PDGFD: variants seen among roughly 807,000 people sequenced by gnomAD.
The protein encoded by PDGFD is platelet derived growth factor D, also known as platelet-derived growth factor D.
Under a neutral mutation model 44.7 loss-of-function variants are expected in PDGFD, and 30 were observed. The observed-to-expected ratio is 0.67, with a 90% CI of 0.50 to 0.91. The LOEUF is 0.91. Ranked by LOEUF, PDGFD falls within the 40% of genes least tolerant of loss-of-function variation. The probability of loss-of-function intolerance (pLI) is 0.00; values close to 1 mark genes in which losing one functional copy is unlikely to be tolerated. For missense variants in PDGFD, 445 were observed against 457.8 expected (o/e 0.97, Z 0.25); for synonymous variants, 173 against 168.4 (o/e 1.03, Z -0.21).
intron 3 of PDGFD, among the ~76,000 whole-genome samples, chr11:103,958,089 C>T (rs929219809): frequency 4.6e-5 from 7 of 151,734 alleles, no homozygotes; most frequent in South Asian, 2.1e-4. Context: ...TTTGCAGTAA[C>T]GCCTGCCACT....
chr11:103,926,863 T>G, intron 6 of PDGFD, 49 bp downstream of exon 6: 1 of 1,552,666 alleles, frequency 6.4e-7, no homozygotes, highest in East Asian at 2.3e-5. Context: ...CCTGTCTTCC[T>G]GAATCCTATA....
At chr11:103,992,740 T>C (rs1302405857) in intron 3 of PDGFD, among the ~76,000 whole-genome samples, 1 of 152,232 alleles carries the variant, frequency 6.6e-6, no homozygotes, top group East Asian at 1.9e-4. Context: ...TGTTATCCAT[T>C]AGTCTCCACA....
chr11:104,004,318 G>T (rs1276052807), intron 1 of PDGFD, among the ~76,000 whole-genome samples: 1 of 152,084 alleles, frequency 6.6e-6, no homozygotes, highest in African/African-American at 2.4e-5. Context: ...TTAAAAACAG[G>T]ATGCTTGTGT....
chr11:104,096,363 G>A (rs72975290), intron 1 of PDGFD, among the ~76,000 whole-genome samples: 17,234 of 152,122 alleles, frequency 0.11, 1,071 homozygotes, highest in South Asian at 0.21. Context: ...AGGGAGCATG[G>A]CATTCACTGT....
At chr11:104,052,401 G>A (rs1297168174) in intron 1 of PDGFD, among the ~76,000 whole-genome samples, 2 of 152,034 alleles carry the variant, frequency 1.3e-5, no homozygotes, top group African/African-American at 4.8e-5. Context: ...CTACTGGGAA[G>A]GCTTTATGAA....
chr11:104,041,861 C>A (rs540364004), intron 1 of PDGFD, among the ~76,000 whole-genome samples: 1 of 152,218 alleles, frequency 6.6e-6, no homozygotes, highest in Non-Finnish European at 1.5e-5. Context: ...ATAAATTCAT[C>A]TTCACTGCAG....
chr11:104,124,608 G>C (rs1266076404), intron 1 of PDGFD, among the ~76,000 whole-genome samples: 1 of 152,032 alleles, frequency 6.6e-6, no homozygotes, highest in Non-Finnish European at 1.5e-5. Context: ...TCTAGAAAAA[G>C]TTTAGATGCT....
chr11:104,074,832 G>A (rs1407889647), intron 1 of PDGFD, among the ~76,000 whole-genome samples: 1 of 152,194 alleles, frequency 6.6e-6, no homozygotes, highest in South Asian at 2.1e-4. Context: ...GATTGCCTGG[G>A]AGGGAGCAAG....
At chr11:103,984,149 G>A (rs1459228211) in intron 3 of PDGFD, among the ~76,000 whole-genome samples, 3 of 151,506 alleles carry the variant, frequency 2.0e-5, no homozygotes, top group African/African-American at 4.9e-5. Flanking sequence ...GCAAATACAC[G>A]GAATCAAGAC....
intron 1 of PDGFD, among the ~76,000 whole-genome samples, chr11:104,011,274 G>C (rs1172220457): frequency 1.3e-5 from 2 of 152,034 alleles, no homozygotes; most frequent in African/African-American, 2.4e-5. Flanking sequence ...ATTCCCAGGA[G>C]AAAGCTGAGA....
At chr11:104,011,846 A>G (rs911335686) in intron 1 of PDGFD, among the ~76,000 whole-genome samples, 2 of 152,110 alleles carry the variant, frequency 1.3e-5, no homozygotes, top group Admixed American at 1.3e-4. Context: ...TATCACATCC[A>G]TATTCTCTGG....
chr11:103,947,784 C>G, intron 3 of PDGFD, 60 bp from the exon 4 acceptor site: 2 of 1,190,310 alleles, frequency 1.7e-6, no homozygotes, highest in Non-Finnish European at 2.5e-6. Flanking sequence ...ATTATGTGCA[C>G]AGTTTCAACA....
At chr11:104,093,938 T>C in intron 1 of PDGFD, among the ~76,000 whole-genome samples, 1 of 150,822 alleles carries the variant, frequency 6.6e-6, no homozygotes, top group African/African-American at 2.4e-5. Flanking sequence ...GCCCAATATC[T>C]CAATTCCTTT....
At chr11:103,959,007 G>A (rs933718464) in intron 3 of PDGFD, among the ~76,000 whole-genome samples, 3 of 152,098 alleles carry the variant, frequency 2.0e-5, no homozygotes, top group African/African-American at 2.4e-5. Context: ...CAGCTGGTAC[G>A]GTTCCATGAA....
intron 5 of PDGFD, among the ~76,000 whole-genome samples, chr11:103,929,386 C>A (rs1858366998): frequency 6.6e-6 from 1 of 152,160 alleles, no homozygotes; most frequent in Non-Finnish European, 1.5e-5. Context: ...TCCTTATCTT[C>A]AGAAGACACC....
intron 4 of PDGFD, among the ~76,000 whole-genome samples, 155 bp from the exon 5 acceptor site, chr11:103,943,805 C>T (rs553910324): frequency 2.6e-5 from 4 of 152,104 alleles, no homozygotes; most frequent in Non-Finnish European, 4.4e-5. Context: ...ATTGTCTTGC[C>T]ATATTCTTGG....
chr11:104,036,546 G>C (rs958127063), intron 1 of PDGFD: 4 of 501,882 alleles, frequency 8.0e-6, no homozygotes, highest in African/African-American at 1.9e-5. Context: ...TGTATCCATG[G>C]GAGTAGGCAT....
intron 1 of PDGFD, among the ~76,000 whole-genome samples, chr11:104,137,443 A>C (rs1183968130): frequency 6.6e-6 from 1 of 152,194 alleles, no homozygotes; most frequent in Non-Finnish European, 1.5e-5. Flanking sequence ...ATATTGACCA[A>C]AGCTGAAATC....
intron 1 of PDGFD, among the ~76,000 whole-genome samples, chr11:104,050,702 G>T (rs1362251924): frequency 6.6e-6 from 1 of 152,114 alleles, no homozygotes; most frequent in Non-Finnish European, 1.5e-5. Context: ...CAGTACTGCA[G>T]GTCTGGGGTA....
Sources: allele counts gnomAD v4.1 joint callset (sites outside exome capture counted in the v4.1 genomes callset), GRCh38; gene constraint gnomAD v4.1.1; transcripts MANE v1.5; gene names NCBI Gene and HGNC (gene_info 2026-07-23, HGNC 2026-07-21).